DMXL2: variants seen among roughly 807,000 people sequenced by gnomAD.
The protein encoded by DMXL2 is dmX-like protein 2.
In DMXL2, 103 loss-of-function variants were observed where a neutral mutation model predicts 331.1. The observed-to-expected ratio is 0.31, with a 90% confidence interval of 0.27 to 0.37. The LOEUF is 0.37. DMXL2 is among the 10% of genes least tolerant of loss of function. DMXL2 has a pLI of 1.00. For synonymous variants in DMXL2, 1,281 were observed against 1,252.1 expected, an observed-to-expected ratio of 1.02 and a Z score of -0.49; for missense variants, 3,171 against 3,642.9, an observed-to-expected ratio of 0.87 and a Z score of 3.33.
chr15:51,494,357 G>C (rs2043016927), intron 19 of DMXL2, among the ~76,000 whole-genome samples: 1 of 152,110 alleles, frequency 6.6e-6, no homozygotes, highest in African/African-American at 2.4e-5. Context: ...TATATTATGG[G>C]ACTCTTTCCA....
chr15:51,492,173 C>T (rs1245246471), intron 19 of DMXL2, among the ~76,000 whole-genome samples: 1 of 152,200 alleles, frequency 6.6e-6, no homozygotes, highest in Non-Finnish European at 1.5e-5. Flanking sequence ...GAATCCGGCC[C>T]GCCCAAGAGG....
intron 16 of DMXL2, among the ~76,000 whole-genome samples, chr15:51,505,103 A>G (rs574346960): frequency 2.6e-5 from 4 of 152,334 alleles, no homozygotes; most frequent in Admixed American, 2.6e-4. Context: ...AAGGTACTCA[A>G]CATGTTTCCT....
chr15:51,605,887 G>A (rs1403070733), intron 1 of DMXL2, among the ~76,000 whole-genome samples: 1 of 152,078 alleles, frequency 6.6e-6, no homozygotes, highest in Middle Eastern at 3.2e-3. Flanking sequence ...AACACTCAAA[G>A]AGCTAAAAAA....
chr15:51,622,624 G>T lies in DMXL2; in HGVS notation c.-79C>A. On this transcript the variant is annotated 5_prime_UTR_variant, in exon 1 of 44. Transcript: ENST00000560891. ...TGACCCTCCTCGGGCTGCGAGAGCC[G>T]TTTCCCTCTGTGCCTCCCTCGGAAA... 3.4e-6 allele frequency: 5 copies of T among 1,485,864 alleles called. No individual in the cohort carries two copies. Among genetic ancestry groups the T allele is most frequent in the South Asian group, 1.3e-5 (1 of 75,858 alleles). The allele number at this position is 1,485,864 out of a possible 1,614,324, so 92.0% of individuals were successfully genotyped here.
chr15:51,534,092 G>A (rs1413847928), intron 13 of DMXL2, among the ~76,000 whole-genome samples: 2 of 152,078 alleles, frequency 1.3e-5, no homozygotes, highest in Admixed American at 1.3e-4. Context: ...AGCAGGGAGG[G>A]GGAAAGACTT....
At chr15:51,583,106 C>CTT (rs57226377) in intron 1 of DMXL2, among the ~76,000 whole-genome samples, 38 of 87,140 alleles carry the variant, frequency 4.4e-4, no homozygotes, top group East Asian at 1.5e-3. Context: ...CTTCATTCTT[C>CTT]TTTTTTTTTT....
At chr15:51,555,207 GT>G (rs1596241837) in intron 6 of DMXL2, among the ~76,000 whole-genome samples, 1 of 152,120 alleles carries the variant, frequency 6.6e-6, no homozygotes, top group Non-Finnish European at 1.5e-5. Flanking sequence ...AACATAGATT[GT>G]ACAGAAGTGC....
intron 28 of DMXL2, among the ~76,000 whole-genome samples, chr15:51,472,196 T>C (rs2041178075): frequency 6.6e-6 from 1 of 151,984 alleles, no homozygotes; most frequent in Admixed American, 6.6e-5. Flanking sequence ...CTCCTAAACC[T>C]CCCCATCACA....
intron 1 of DMXL2, among the ~76,000 whole-genome samples, chr15:51,620,256 C>T (rs982494306): frequency 6.6e-6 from 1 of 152,006 alleles, no homozygotes; most frequent in African/African-American, 2.4e-5. Context: ...TGGATCAGTG[C>T]GCTCAAAACT....
At chr15:51,578,536 AAC>A (rs2051199445) in intron 1 of DMXL2, among the ~76,000 whole-genome samples, 1 of 152,184 alleles carries the variant, frequency 6.6e-6, no homozygotes, top group Non-Finnish European at 1.5e-5. Context: ...ACCTGTTAGA[AAC>A]ACAGACTGCT....
Position 51,542,458 on chromosome 15 carries a change from A to C in DMXL2, c.980T>G (p.Val327Gly). ...CATTAATTCAGCATGAGTTACAAGA[A>C]CAGATGACCTCCTCTGTCCTTTCCT... ...NLRKGQRRSSVLVTHAELMPD... is the reference protein window; with the variant it reads ...NLRKGQRRSSGLVTHAELMPD... Residue 327 changes from valine to glycine, a missense_variant, in exon 9 of 44, where the codon GTT becomes GGT. This residue lies in a region of DMXL2 where 1,674 missense variants were observed against 1,780.2 expected (regional missense o/e 0.94). Coordinates refer to ENST00000560891, the MANE Select transcript of DMXL2 (RefSeq NM_001378457.1). The C allele has an allele frequency of 6.2e-7, 1 of 1,613,820 alleles. No individual in the cohort carries two copies. The highest frequency in any genetic ancestry group is 8.5e-7 in the Non-Finnish European group (1 of 1,179,814).
At chr15:51,500,304 T>C in intron 17 of DMXL2, 73 bp from the exon 18 acceptor site, 1 of 1,402,930 alleles carries the variant, frequency 7.1e-7, no homozygotes, top group Non-Finnish European at 9.5e-7. Flanking sequence ...GTAATCAAAT[T>C]CTGGAATGTG....
At position 51,486,212 on chromosome 15, in the gene DMXL2, C is replaced by T. The variant is rs767352793; in HGVS notation, c.5343G>A (p.Lys1781=). The change falls in exon 23 of 44, where the codon AAG becomes AAA. Residue 1781 remains lysine (K), a synonymous_variant. Transcript: ENST00000560891. The part of the protein sequence containing the change: ...ILNQKILGCQ[K]DGSGFSCKRL... ...TTTTGCAACTGAATCCTGAGCCATC[C>T]TTTTGGCAACCCAAAATCTTCTGAT... 5.6e-6 allele frequency: 9 copies of T among 1,613,914 alleles called. No homozygotes were observed. Among genetic ancestry groups the T allele is most frequent in the Admixed American group, 3.3e-5 (2 of 59,996 alleles).
intron 18 of DMXL2, among the ~76,000 whole-genome samples, chr15:51,496,839 T>C (rs2140471688): frequency 6.6e-6 from 1 of 152,304 alleles, no homozygotes; most frequent in East Asian, 1.9e-4. Flanking sequence ...ATGGAAGAAC[T>C]CATTTACTTA....
At chr15:51,482,317 ATATC>A (rs759864308) in intron 23 of DMXL2, among the ~76,000 whole-genome samples, 5 of 152,198 alleles carry the variant, frequency 3.3e-5, no homozygotes, top group Non-Finnish European at 5.9e-5. Flanking sequence ...TATTATAAAA[ATATC>A]TATATTATTA....
rs879693456 is a variant in DMXL2, at chr15:51,491,570, A to C, written c.4953+8T>G. On this transcript the variant is annotated splice_region_variant and intron_variant, in intron 20 of 43. Transcript: ENST00000560891. Reference sequence around the variant, plus strand: ...AATATAACTCAAAATCCACTAAAGAAAAGTTACCTTTTCAATGCATCTTCG... The same window carrying C: ...AATATAACTCAAAATCCACTAAAGACAAGTTACCTTTTCAATGCATCTTCG... 5.7e-6 allele frequency: 9 copies of C among 1,586,410 alleles called. No individual in the cohort carries two copies. Among genetic ancestry groups the C allele is most frequent in the Non-Finnish European group, 7.7e-6 (9 of 1,171,916 alleles).
At chr15:51,618,113 C>CAGAA (rs1410987396) in intron 1 of DMXL2, among the ~76,000 whole-genome samples, 2 of 152,168 alleles carry the variant, frequency 1.3e-5, no homozygotes, top group Non-Finnish European at 2.9e-5. Context: ...CCAGCCAGTA[C>CAGAA]AGAAGCATGT....
intron 39 of DMXL2, among the ~76,000 whole-genome samples, chr15:51,455,567 A>T (rs2039552505): frequency 6.6e-6 from 1 of 152,118 alleles, no homozygotes; most frequent in Non-Finnish European, 1.5e-5. Context: ...TTTTAAAAAA[A>T]TTTTTGTAGG....
intron 1 of DMXL2, among the ~76,000 whole-genome samples, chr15:51,611,317 G>A (rs571748941): frequency 3.9e-4 from 59 of 152,148 alleles, no homozygotes; most frequent in Admixed American, 2.5e-3. Context: ...TTAAGAGGCC[G>A]CTGTGAACAA....
Sources: gnomAD v4.1 joint callset for allele counts (sites outside exome capture counted in the v4.1 genomes callset) on GRCh38, gnomAD v4.1.1 for gene constraint, gnomAD v4.1.1 regional missense constraint, MANE v1.5 for transcripts, NCBI Gene and HGNC (gene_info 2026-07-23, HGNC 2026-07-21) for gene names.